The following ELF1 variants were observed in gnomAD, a reference collection of about 807,000 sequenced individuals.
ELF1 encodes the protein ETS-related transcription factor Elf-1.
ELF1 carries 24 observed loss-of-function variants against 59.9 expected under a neutral mutation model. The ratio of observed to expected loss-of-function variants is 0.40; its 90% CI spans 0.29 to 0.56. ELF1 has a LOEUF of 0.56. Among genes scored for constraint, ELF1 ranks in the 20% least tolerant of loss-of-function variants. The pLI is 0.44. For missense variants in ELF1, 627 were observed against 742.2 expected (o/e 0.84, Z 1.80); for synonymous variants, 248 against 266.2 (o/e 0.93, Z 0.67).
intron 2 of ELF1, among the ~76,000 whole-genome samples, chr13:40,959,891 TA>T (rs1194259389): frequency 1.3e-5 from 2 of 152,310 alleles, no homozygotes; most frequent in Non-Finnish European, 2.9e-5. Flanking sequence ...AACAACCTAC[TA>T]AAAACTCAGT....
chr13:41,060,919 C>CTG lies in ELF1; in HGVS notation c.-311_-310insCA, dbSNP rs1203455076. On this transcript the variant is annotated 5_prime_UTR_variant, in exon 1 of 2. Transcript: ENST00000405737. ...TGCGCTACTGAAGCTGCTGCTGCCG[C>CTG]CGCCGCCGCCGCCGCCGCCGCCGCC... 1.0e-3 allele frequency: 39 copies of CTG among 37,372 alleles called. 3 individuals carry two copies. Among genetic ancestry groups the CTG allele is most frequent in the Admixed American group, 4.5e-3 (5 of 1,104 alleles). 2.3% of individuals were successfully genotyped at this position (37,372 alleles called of 1,614,324 possible).
intron 3 of ELF1, among the ~76,000 whole-genome samples, chr13:40,954,897 G>A (rs1424569650): frequency 1.5e-5 from 2 of 129,332 alleles, no homozygotes; most frequent in Admixed American, 7.7e-5. Context: ...GAGCGTCTCT[G>A]CCTGGCGGCC....
intron 1 of ELF1, among the ~76,000 whole-genome samples, chr13:41,042,049 G>C (rs1259683157): frequency 6.6e-6 from 1 of 152,086 alleles, no homozygotes; most frequent in Non-Finnish European, 1.5e-5. Context: ...TTTTCAGACA[G>C]TCTTGTTCTG....
At chr13:40,999,988 A>T (rs1874331688) in intron 1 of ELF1, among the ~76,000 whole-genome samples, 1 of 152,152 alleles carries the variant, frequency 6.6e-6, no homozygotes, top group Non-Finnish European at 1.5e-5. Flanking sequence ...GTAACTTTGA[A>T]ATATATGAAC....
chr13:40,954,735 C>T (rs1190876142), intron 3 of ELF1, among the ~76,000 whole-genome samples: 20 of 151,582 alleles, frequency 1.3e-4, no homozygotes, highest in African/African-American at 4.8e-4. Flanking sequence ...CAGACGGAGT[C>T]GCGTTCACTC....
chr13:40,959,048 C>T, intron 2 of ELF1, 32 bp from the exon 3 acceptor site: 2 of 1,562,782 alleles, frequency 1.3e-6, no homozygotes, highest in Non-Finnish European at 1.7e-6. Context: ...AAAATGAAAA[C>T]AAAGGATTAA....
chr13:41,060,887 C>G, exon 1 of ELF1: 1 of 345,916 alleles, frequency 2.9e-6, no homozygotes, highest in Non-Finnish European at 5.7e-6. Context: ...CTCGCCACCG[C>G]CGCCTCTGCG....
intron 2 of ELF1, among the ~76,000 whole-genome samples, chr13:40,977,089 T>C (rs575452630): frequency 6.6e-6 from 1 of 152,312 alleles, no homozygotes; most frequent in Admixed American, 6.5e-5. Flanking sequence ...CAGTGTTTTT[T>C]TCATATAATA....
At chr13:40,993,387 T>TG (rs1402086807) in intron 1 of ELF1, 2 of 893,936 alleles carry the variant, frequency 2.2e-6, no homozygotes, top group African/African-American at 3.3e-5. Flanking sequence ...AGTGCACCGA[T>TG]GGGTCTGGGG....
intron 1 of ELF1, among the ~76,000 whole-genome samples, chr13:40,997,071 T>C (rs760188266): frequency 2.6e-5 from 4 of 152,208 alleles, no homozygotes; most frequent in Non-Finnish European, 4.4e-5. Flanking sequence ...CAAGTCACAG[T>C]GCAACCAGGT....
At chr13:40,953,223 G>T (rs1017797287) in intron 3 of ELF1, among the ~76,000 whole-genome samples, 1 of 151,916 alleles carries the variant, frequency 6.6e-6, no homozygotes, top group African/African-American at 2.4e-5. Flanking sequence ...TGATCTGCCC[G>T]CCTCGGCCTC....
intron 1 of ELF1, among the ~76,000 whole-genome samples, chr13:41,040,181 T>A (rs1447284353): frequency 1.3e-5 from 2 of 152,194 alleles, no homozygotes; most frequent in African/African-American, 4.8e-5. Flanking sequence ...TAAATACACG[T>A]GCAAAGATGT....
intron 2 of ELF1, among the ~76,000 whole-genome samples, chr13:40,971,209 A>T (rs979770857): frequency 6.6e-6 from 1 of 152,208 alleles, no homozygotes; most frequent in African/African-American, 2.4e-5. Flanking sequence ...ATTGATAGTT[A>T]TCTTCTAAAT....
chr13:41,059,404 A>T (rs1356856882), intron 1 of ELF1, among the ~76,000 whole-genome samples: 2 of 152,266 alleles, frequency 1.3e-5, no homozygotes, highest in Non-Finnish European at 2.9e-5. Context: ...ATTTGAATTA[A>T]TGAAGACGAT....
chr13:40,958,336 CCT>C (rs1871589165), intron 3 of ELF1, among the ~76,000 whole-genome samples: 2 of 151,628 alleles, frequency 1.3e-5, no homozygotes, highest in Admixed American at 6.6e-5. Context: ...AAAGAACATT[CCT>C]CTCTCTTTCC....
At chr13:40,940,774 T>C (rs1320902688) in intron 8 of ELF1, 147 bp downstream of exon 8, 1 of 826,238 alleles carries the variant, frequency 1.2e-6, no homozygotes, top group Non-Finnish European at 1.8e-6. Flanking sequence ...TAATAGTAAC[T>C]GCTCCTGAAA....
intron 1 of ELF1, among the ~76,000 whole-genome samples, chr13:41,012,218 C>T (rs1392413611): frequency 1.4e-5 from 2 of 147,100 alleles, no homozygotes; most frequent in South Asian, 2.1e-4. Flanking sequence ...GAGGCCGAGG[C>T]AGCAGAATCA....
rs916065017 is a variant in ELF1 at position 40,933,226 on chromosome 13, G to A, written c.*199C>T. 4.6e-6 allele frequency: 3 copies of A among 647,142 alleles called. No individual in the cohort carries two copies. The African/African-American group carries it at 5.5e-5, about 12-fold the overall frequency. The allele number at this position is 647,142 out of a possible 1,614,324, so 40.1% of individuals were successfully genotyped here. A position where few individuals can be genotyped will look rare whatever the true frequency, so the allele number is the denominator to read the frequency against. Reference sequence around the variant, plus strand: ...TAGTGTAAAATGCCTGTTCCTTCACGATTGAATTCTGAAACATTTAGATAA... The same window carrying A: ...TAGTGTAAAATGCCTGTTCCTTCACAATTGAATTCTGAAACATTTAGATAA... On this transcript the variant is annotated 3_prime_UTR_variant, in exon 9 of 9. Coordinates refer to ENST00000239882, the MANE Select transcript of ELF1 (RefSeq NM_172373.4).
At chr13:40,999,219 G>C (rs1238272468) in intron 1 of ELF1, among the ~76,000 whole-genome samples, 2 of 152,154 alleles carry the variant, frequency 1.3e-5, no homozygotes. Flanking sequence ...ACAAGACCGA[G>C]AGAAGCAACT....
Sources: allele counts gnomAD v4.1 joint callset (sites outside exome capture counted in the v4.1 genomes callset), GRCh38; gene constraint gnomAD v4.1.1; transcripts MANE v1.5; gene names NCBI Gene and HGNC (gene_info 2026-07-23, HGNC 2026-07-21).